ANO4: variants seen among roughly 807,000 people sequenced by gnomAD.
ANO4 encodes the protein anoctamin 4, also known as anoctamin-4.
In ANO4, 69 loss-of-function variants were observed where a neutral mutation model predicts 141.9. The ratio of observed to expected loss-of-function variants is 0.49; its 90% CI spans 0.40 to 0.59. The LOEUF (loss-of-function observed/expected upper bound fraction) is 0.59. Ranked by LOEUF, ANO4 falls within the 20% of genes least tolerant of loss-of-function variation. ANO4 has a pLI of 0.00. For missense variants in ANO4, 894 were observed against 1,162.2 expected (o/e 0.77, Z 3.36); for synonymous variants, 350 against 394.3 (o/e 0.89, Z 1.33).
At chr12:100,867,688 A>G (rs1218776073) in intron 1 of ANO4, among the ~76,000 whole-genome samples, 1 of 152,188 alleles carries the variant, frequency 6.6e-6, no homozygotes, top group Non-Finnish European at 1.5e-5. Context: ...AGTCAGGTTG[A>G]CACATAAAAT....
At chr12:100,725,495 C>T (rs2031075500) in intron 1 of ANO4, among the ~76,000 whole-genome samples, 1 of 151,966 alleles carries the variant, frequency 6.6e-6, no homozygotes, top group Admixed American at 6.6e-5. Context: ...TACAGGCGCC[C>T]ACCACCACGC....
intron 2 of ANO4, among the ~76,000 whole-genome samples, chr12:100,906,282 C>T (rs1192897109): frequency 1.3e-5 from 2 of 151,832 alleles, no homozygotes; most frequent in Admixed American, 1.3e-4. Context: ...AAAGAGGGTA[C>T]AAGACATCAA....
intron 1 of ANO4, among the ~76,000 whole-genome samples, chr12:100,893,266 A>G (rs193083892): frequency 2.0e-5 from 3 of 151,366 alleles, no homozygotes; most frequent in Admixed American, 2.0e-4. Flanking sequence ...TGAACTCACT[A>G]CTTAGGACCA....
At chr12:100,816,029 A>G (rs2035719464) in intron 1 of ANO4, among the ~76,000 whole-genome samples, 1 of 152,072 alleles carries the variant, frequency 6.6e-6, no homozygotes, top group Non-Finnish European at 1.5e-5. Context: ...AAAACCTCTT[A>G]AACTCAACTC....
chr12:100,969,598 T>C (rs1369102823), intron 5 of ANO4, among the ~76,000 whole-genome samples: 2 of 152,200 alleles, frequency 1.3e-5, no homozygotes, highest in Non-Finnish European at 2.9e-5. Context: ...TTTACATCCA[T>C]CTGCAATTTG....
At chr12:100,904,327 A>C (rs1198362859) in intron 2 of ANO4, among the ~76,000 whole-genome samples, 2 of 152,206 alleles carry the variant, frequency 1.3e-5, no homozygotes. Context: ...CAACTGTGTA[A>C]TCTATATTAT....
chr12:100,917,887 A>G (rs2041420026), intron 2 of ANO4, among the ~76,000 whole-genome samples: 1 of 152,190 alleles, frequency 6.6e-6, no homozygotes, highest in South Asian at 2.1e-4. Flanking sequence ...GAATTTAGAA[A>G]ATCTGTTATA....
intron 8 of ANO4, among the ~76,000 whole-genome samples, chr12:101,000,740 A>G (rs1007531819): frequency 6.6e-6 from 1 of 152,216 alleles, no homozygotes; most frequent in African/African-American, 2.4e-5. Context: ...AGCTCCTTTT[A>G]AGTAGGACAT....
At chr12:101,053,537 A>G (rs1032598331) in intron 14 of ANO4, among the ~76,000 whole-genome samples, 4 of 152,208 alleles carry the variant, frequency 2.6e-5, no homozygotes, top group Middle Eastern at 3.4e-3. Flanking sequence ...GATTCTGGTG[A>G]TGGCTGATGG....
Position 101,016,609 on chromosome 12 carries a change from T to TTC in ANO4, c.735-3424_735-3423insCT, listed in dbSNP as rs575740891. 7.0e-4 allele frequency among the ~76,000 whole-genome samples: 107 copies of TTC among 152,328 alleles called. 2 individuals are homozygous for TTC. The South Asian group carries it at 0.017, about 24-fold the overall frequency. ...GATGGTCAGCTCATTTGATCCAACT[T>TTC]TAAGTGTTTATCATGTGCTAAGCCC... On this transcript the variant is annotated intron_variant, in intron 8 of 27. Transcript: ENST00000392977.
At chr12:100,772,101 G>T (rs1467316675) in intron 3 of ANO4, among the ~76,000 whole-genome samples, 1 of 152,156 alleles carries the variant, frequency 6.6e-6, no homozygotes, top group East Asian at 1.9e-4. Context: ...AGCAATTAAA[G>T]AATATTTAGT....
At chr12:101,065,583 GAC>G (rs774700474) in intron 14 of ANO4, among the ~76,000 whole-genome samples, 6 of 152,216 alleles carry the variant, frequency 3.9e-5, no homozygotes, top group Non-Finnish European at 8.8e-5. Context: ...AATCTGAACA[GAC>G]CAATAATGAG....
intron 1 of ANO4, among the ~76,000 whole-genome samples, chr12:100,886,345 T>A (rs2055471): frequency 0.31 from 47,833 of 151,874 alleles, 7,898 homozygotes; most frequent in African/African-American, 0.41. Context: ...CCTAAAAATT[T>A]AAAAATTTCA....
intron 15 of ANO4, among the ~76,000 whole-genome samples, chr12:101,081,635 G>A (rs2136873311): frequency 6.6e-6 from 1 of 152,306 alleles, no homozygotes; most frequent in African/African-American, 2.4e-5. Context: ...TCGCACATTA[G>A]TTTGTCAGGG....
intron 8 of ANO4, among the ~76,000 whole-genome samples, chr12:101,008,706 CT>C (rs1408883765): frequency 2.6e-5 from 4 of 152,074 alleles, no homozygotes; most frequent in African/African-American, 9.7e-5. Flanking sequence ...CTAATTCCAT[CT>C]TACATTCTGC....
Position 101,110,465 on chromosome 12 carries a change from C to T in ANO4, c.2211C>T (p.Ala737=), listed in dbSNP as rs1228896490. Residue 737 remains alanine (A), a synonymous_variant, in exon 23 of 28, where the codon GCC becomes GCT. Transcript: ENST00000392977. The stretch of plus-strand genomic sequence containing the variant: ...CTTTTCCCCTAGCACCACTTCTGGC[C>T]TTACTGAATAACATAATTGAAATTC... The part of the protein sequence containing the change: ...VAAFPLAPLL[A]LLNNIIEIRL... The T allele has an allele frequency of 6.2e-7, 1 of 1,612,250 alleles. No individual in the cohort carries two copies. The highest frequency in any genetic ancestry group is 2.2e-5 in the East Asian group (1 of 44,844).
intron 3 of ANO4, among the ~76,000 whole-genome samples, chr12:100,747,162 A>G (rs997438117): frequency 6.6e-6 from 1 of 152,138 alleles, no homozygotes; most frequent in Admixed American, 6.5e-5. Flanking sequence ...ACTGACTTAC[A>G]CCAAAGTCTG....
intron 1 of ANO4, among the ~76,000 whole-genome samples, chr12:100,798,354 A>G (rs1400671226): frequency 1.3e-5 from 2 of 152,226 alleles, no homozygotes; most frequent in Non-Finnish European, 2.9e-5. Context: ...CGACTCCCAC[A>G]TGAGGCTTCT....
At chr12:100,879,393 C>T (rs757328085) in intron 1 of ANO4, among the ~76,000 whole-genome samples, 6 of 152,026 alleles carry the variant, frequency 3.9e-5, no homozygotes, top group Non-Finnish European at 8.8e-5. Flanking sequence ...CTATTGGCTC[C>T]AGTTTCATTT....
Sources: allele counts gnomAD v4.1 joint callset (sites outside exome capture counted in the v4.1 genomes callset), GRCh38; gene constraint gnomAD v4.1.1; transcripts MANE v1.5; gene names NCBI Gene and HGNC (gene_info 2026-07-23, HGNC 2026-07-21).